Variants in RERE observed in about 807,000 individuals in gnomAD.
RERE encodes the protein arginine-glutamic acid dipeptide repeats protein.
A neutral mutation model predicts 146.1 loss-of-function variants in RERE; 40 were observed. The observed-to-expected ratio is 0.27, with a 90% CI of 0.21 to 0.36. The LOEUF (loss-of-function observed/expected upper bound fraction) is 0.36. Among genes scored for constraint, RERE ranks in the 10% least tolerant of loss-of-function variants. The pLI is 1.00. For missense variants in RERE, 1,933 were observed against 2,138.7 expected, an observed-to-expected ratio of 0.90 and a Z score of 1.90; for synonymous variants, 1,003 against 866.0, an observed-to-expected ratio of 1.16 and a Z score of -2.78.
At position 8,360,738 on chromosome 1, in the gene RERE, C is replaced by A; in HGVS notation, c.2769G>T (p.Leu923Phe). Residue 923 changes from leucine to phenylalanine, a missense_variant, in exon 18 of 23, where the codon TTG becomes TTT. Leu to Phe is a conservative substitution (Grantham distance 22). Transcript: ENST00000400908. ...PREQPLPPAPLAMPHIKPPPT... is the reference protein window; with the variant it reads ...PREQPLPPAPFAMPHIKPPPT... ...GCGGGGGCTTGATGTGGGGCATGGCCAAGGGCGCTGGTGGCAGGGGCTGCT... is the reference window on the plus strand; with the variant it reads ...GCGGGGGCTTGATGTGGGGCATGGCAAAGGGCGCTGGTGGCAGGGGCTGCT... 6.3e-7 allele frequency: 1 copy of A among 1,597,334 alleles called. No homozygotes were observed.
intron 1 of RERE, among the ~76,000 whole-genome samples, chr1:8,784,849 A>G (rs1569791254): frequency 1.3e-5 from 2 of 152,344 alleles, no homozygotes; most frequent in Middle Eastern, 6.8e-3. Flanking sequence ...ACAGTCCACT[A>G]CAATTTAATG....
In RERE at chr1:8,461,212, G is replaced by C. The variant is rs1644521814; in HGVS notation, c.1203+4713C>G. Among the ~76,000 whole-genome samples the C allele has an allele frequency of 1.3e-5, 2 of 151,304 alleles. 1 individual carries two copies. The highest frequency in any genetic ancestry group is 4.2e-4 in the South Asian group (2 of 4,788). On this transcript the variant is annotated intron_variant, in intron 11 of 22. Coordinates refer to ENST00000400908, the MANE Select transcript of RERE (RefSeq NM_001042681.2). Reference sequence around the variant, plus strand: ...AATAATCTAAGATTTGTTTTGTTTGGGTTTTTTTTTTTAATGTTTTAATCT... The same window carrying C: ...AATAATCTAAGATTTGTTTTGTTTGCGTTTTTTTTTTTAATGTTTTAATCT...
At chr1:8,621,631 T>C (rs1646916926) in intron 3 of RERE, among the ~76,000 whole-genome samples, 1 of 152,252 alleles carries the variant, frequency 6.6e-6, no homozygotes, top group Non-Finnish European at 1.5e-5. Context: ...TTTTATTTTA[T>C]GATTATTAAA....
chr1:8,658,778 A>C (rs1638388146), intron 1 of RERE, among the ~76,000 whole-genome samples: 1 of 152,006 alleles, frequency 6.6e-6, no homozygotes, highest in Non-Finnish European at 1.5e-5. Flanking sequence ...GAAAGAAAGA[A>C]AGAAAGAAAA....
At chr1:8,792,869 C>T (rs1641387675) in intron 1 of RERE, among the ~76,000 whole-genome samples, 1 of 151,872 alleles carries the variant, frequency 6.6e-6, no homozygotes, top group African/African-American at 2.4e-5. Context: ...CATAAAGAAG[C>T]AGGAAGGCCG....
At chr1:8,495,303 T>A in intron 9 of RERE, 141 bp from the exon 10 acceptor site, 1 of 536,332 alleles carries the variant, frequency 1.9e-6, no homozygotes, top group Non-Finnish European at 3.3e-6. Flanking sequence ...CAGCTCTGCC[T>A]CTGCTCCTAT....
intron 2 of RERE, among the ~76,000 whole-genome samples, chr1:8,643,011 T>A (rs1049154455): frequency 1.3e-5 from 2 of 152,124 alleles, no homozygotes; most frequent in Non-Finnish European, 2.9e-5. Context: ...GTACCTGGGA[T>A]ACATCGGGGA....
At chr1:8,583,800 T>G (rs919009769) in intron 4 of RERE, among the ~76,000 whole-genome samples, 6 of 151,758 alleles carry the variant, frequency 4.0e-5, no homozygotes, top group Non-Finnish European at 7.4e-5. Flanking sequence ...TAACACTGCA[T>G]AAAAACAACA....
chr1:8,629,972 G>T (rs962179795), intron 2 of RERE, among the ~76,000 whole-genome samples: 1 of 152,140 alleles, frequency 6.6e-6, no homozygotes, highest in African/African-American at 2.4e-5. Context: ...CGGTGAAATG[G>T]GAAGTTGACT....
intron 2 of RERE, among the ~76,000 whole-genome samples, chr1:8,653,898 G>A (rs548578455): frequency 6.6e-6 from 1 of 151,600 alleles, no homozygotes; most frequent in South Asian, 2.1e-4. Flanking sequence ...AATCGTTACA[G>A]CAGATTTCTA....
At chr1:8,785,485 T>C (rs1251253861) in intron 1 of RERE, among the ~76,000 whole-genome samples, 1 of 152,260 alleles carries the variant, frequency 6.6e-6, no homozygotes, top group East Asian at 1.9e-4. Flanking sequence ...CATCAGCAAG[T>C]GGATTCACAA....
chr1:8,361,704 G>A, intron 17 of RERE, 59 bp downstream of exon 17: 1 of 1,481,424 alleles, frequency 6.8e-7, no homozygotes, highest in Non-Finnish European at 9.4e-7. Context: ...GAGAACCCCG[G>A]CTGGGGGCTT....
In RERE at chr1:8,697,433, C is replaced by G. The variant is rs886873853; in HGVS notation, c.-144-40992G>C. On this transcript the variant is annotated intron_variant, in intron 1 of 22. Transcript: ENST00000400908. Reference sequence around the variant, plus strand: ...TTTGAGACGGAGTCTCACTCTGTCCCCCAGGCTGGAGTGCAGTGGCGTGAT... The same window carrying G: ...TTTGAGACGGAGTCTCACTCTGTCCGCCAGGCTGGAGTGCAGTGGCGTGAT... 3.4e-5 allele frequency among the ~76,000 whole-genome samples: 5 copies of G among 146,196 alleles called. No homozygotes were observed. The Admixed American group carries it at 3.5e-4, about 10-fold the overall frequency.
At chr1:8,671,480 G>C (rs1441129865) in intron 1 of RERE, among the ~76,000 whole-genome samples, 1 of 152,160 alleles carries the variant, frequency 6.6e-6, no homozygotes, top group East Asian at 1.9e-4. Flanking sequence ...AAGACACATA[G>C]GATGGAAACA....
chr1:8,625,736 A>G (rs1317265099), intron 2 of RERE, among the ~76,000 whole-genome samples: 1 of 152,208 alleles, frequency 6.6e-6, no homozygotes, highest in East Asian at 1.9e-4. Flanking sequence ...GAGCGAAGAA[A>G]AAGCACAGAA....
At chr1:8,801,620 T>A (rs551801794) in intron 1 of RERE, among the ~76,000 whole-genome samples, 1 of 152,160 alleles carries the variant, frequency 6.6e-6, no homozygotes, top group African/African-American at 2.4e-5. Context: ...TTTCCACCTA[T>A]CAGATTAACA....
At chr1:8,442,520 C>T (rs1454183093) in intron 11 of RERE, among the ~76,000 whole-genome samples, 1 of 152,140 alleles carries the variant, frequency 6.6e-6, no homozygotes, top group Non-Finnish European at 1.5e-5. Flanking sequence ...CCAGAAGCCA[C>T]ACAGACGCCA....
intron 12 of RERE, among the ~76,000 whole-genome samples, chr1:8,379,304 C>G (rs760745798): frequency 6.6e-6 from 1 of 152,172 alleles, no homozygotes; most frequent in African/African-American, 2.4e-5. Context: ...CCGCCCCGCA[C>G]AGCCTCCCAT....
intron 10 of RERE, among the ~76,000 whole-genome samples, chr1:8,490,355 A>AG (rs200808507): frequency 0.017 from 2,482 of 148,374 alleles, 212 homozygotes; most frequent in African/African-American, 0.062. Context: ...AAAAAAAAAA[A>AG]AAAAGAAAAG....
Sources: gnomAD v4.1 joint callset for allele counts (sites outside exome capture counted in the v4.1 genomes callset) on GRCh38, gnomAD v4.1.1 for gene constraint, MANE v1.5 for transcripts, NCBI Gene and HGNC (gene_info 2026-07-23, HGNC 2026-07-21) for gene names.